Variants in SIPA1L3 observed in about 807,000 individuals in gnomAD.
SIPA1L3 encodes signal induced proliferation associated 1 like 3.
SIPA1L3 carries 59 observed loss-of-function variants against 150.1 expected under a neutral mutation model. That is an observed-to-expected ratio of 0.39 (90% CI 0.32 to 0.49). The LOEUF (loss-of-function observed/expected upper bound fraction) is 0.49, where lower values mean the gene tolerates loss of function less well. Ranked by LOEUF, SIPA1L3 falls within the 20% of genes least tolerant of loss-of-function variation. The pLI is 0.86. For synonymous variants in SIPA1L3, 1,070 were observed against 1,077.6 expected, an observed-to-expected ratio of 0.99 and a Z score of 0.14; for missense variants, 2,211 against 2,489.5, an observed-to-expected ratio of 0.89 and a Z score of 2.38.
intron 1 of SIPA1L3, among the ~76,000 whole-genome samples, chr19:38,009,771 G>A (rs2145677907): frequency 6.6e-6 from 1 of 152,126 alleles, no homozygotes; most frequent in South Asian, 2.1e-4. Context: ...TGGCCTCGTT[G>A]CCACACTGCT....
chr19:38,138,560 T>G (rs1178502392), intron 10 of SIPA1L3, among the ~76,000 whole-genome samples: 2 of 26,188 alleles, frequency 7.6e-5, no homozygotes, highest in Non-Finnish European at 1.3e-4. Context: ...TTTGCTGTCA[T>G]TCTCAGTCAG....
At chr19:38,149,346 C>T (rs1399530494) in intron 12 of SIPA1L3, among the ~76,000 whole-genome samples, 1 of 152,090 alleles carries the variant, frequency 6.6e-6, no homozygotes, top group East Asian at 1.9e-4. Context: ...CGCGTCACTG[C>T]TGCACTCCAG....
intron 13 of SIPA1L3, among the ~76,000 whole-genome samples, chr19:38,160,685 A>C (rs1013329106): frequency 1.3e-5 from 2 of 152,146 alleles, no homozygotes; most frequent in Non-Finnish European, 2.9e-5. Context: ...TACAGGCGTG[A>C]GCCACCGCAC....
chr19:37,919,071 C>T (rs1165275204), intron 1 of SIPA1L3, among the ~76,000 whole-genome samples: 1 of 152,018 alleles, frequency 6.6e-6, no homozygotes, highest in East Asian at 1.9e-4. Flanking sequence ...AAGACATTGC[C>T]AGTGGATGGG....
chr19:37,928,407 C>T (rs1263290987), intron 1 of SIPA1L3, among the ~76,000 whole-genome samples: 2 of 152,154 alleles, frequency 1.3e-5, no homozygotes, highest in East Asian at 3.9e-4. Context: ...CCCATCTCTA[C>T]TAAAAATGCA....
chr19:38,012,310 T>A (rs1968122250), intron 1 of SIPA1L3, among the ~76,000 whole-genome samples: 1 of 152,012 alleles, frequency 6.6e-6, no homozygotes, highest in African/African-American at 2.4e-5. Context: ...GATTTCGAAC[T>A]CCTGACCTCA....
At chr19:37,995,498 G>A (rs934518323) in intron 1 of SIPA1L3, among the ~76,000 whole-genome samples, 11 of 152,256 alleles carry the variant, frequency 7.2e-5, no homozygotes, top group East Asian at 1.9e-4. Context: ...ATAATGCAGC[G>A]TGGTGAGTAG....
chr19:38,049,879 G>A (rs1969150884), intron 2 of SIPA1L3, among the ~76,000 whole-genome samples: 1 of 151,946 alleles, frequency 6.6e-6, no homozygotes, highest in South Asian at 2.1e-4. Context: ...GGGGTCTCCG[G>A]GGTTTTAATG....
At chr19:37,967,476 ACTC>A (rs1007154455) in intron 1 of SIPA1L3, among the ~76,000 whole-genome samples, 1 of 149,450 alleles carries the variant, frequency 6.7e-6, no homozygotes, top group Non-Finnish European at 1.5e-5. Context: ...CTGATCTTGA[ACTC>A]CTGACCTCAT....
At chr19:38,077,623 G>A (rs1024721832) in intron 2 of SIPA1L3, among the ~76,000 whole-genome samples, 1 of 119,656 alleles carries the variant, frequency 8.4e-6, no homozygotes, top group African/African-American at 3.1e-5. Context: ...ATAGTTTGTT[G>A]TTGTTTCTGT....
In SIPA1L3 at chr19:38,164,871, G is replaced by A. The variant is rs753894717; in HGVS notation, c.4173G>A (p.Leu1391=). ...YSSGSSTPTG[L]AGGSRDPPRQ... ...CCGGCTCCAGCACCCCCACGGGACT[G>A]GCGGGGGGCAGCCGAGACCCACCGA... is the stretch of plus-strand genomic sequence containing the variant. Residue 1391 remains leucine (L), a synonymous_variant, in exon 15 of 22, where the codon CTG becomes CTA. Coordinates refer to ENST00000222345, the MANE Select transcript of SIPA1L3 (RefSeq NM_015073.3). The surrounding 1 kb of genome is among the most constrained non-coding windows in gnomAD (Gnocchi z 4.1). The A allele has an allele frequency of 1.2e-5, 19 of 1,568,494 alleles. No homozygotes were observed. The highest frequency in any genetic ancestry group is 7.8e-6 in the Non-Finnish European group (9 of 1,154,726).
chr19:38,192,353 A>C (rs761588574), intron 17 of SIPA1L3, 43 bp downstream of exon 17: 3 of 1,528,526 alleles, frequency 2.0e-6, no homozygotes, highest in Non-Finnish European at 2.6e-6. Flanking sequence ...CCAGCTCCCA[A>C]GGGGATCCCA....
chr19:38,011,183 G>A (rs1289461420), intron 1 of SIPA1L3, among the ~76,000 whole-genome samples: 1 of 152,076 alleles, frequency 6.6e-6, no homozygotes, highest in African/African-American at 2.4e-5. Flanking sequence ...ACATAATAAA[G>A]CAATCAGTGG....
chr19:37,925,774 AG>A (rs1163559207), intron 1 of SIPA1L3, among the ~76,000 whole-genome samples: 1 of 151,748 alleles, frequency 6.6e-6, no homozygotes, highest in Non-Finnish European at 1.5e-5. Context: ...TTGTATTTTT[AG>A]TAGAGATGGG....
At chr19:38,188,887 C>T (rs911117965) in intron 16 of SIPA1L3, among the ~76,000 whole-genome samples, 2 of 151,098 alleles carry the variant, frequency 1.3e-5, no homozygotes, top group Non-Finnish European at 2.9e-5. Context: ...TGCGCCACTG[C>T]ACTCCAGCCT....
At chr19:38,060,005 G>T (rs945288428) in intron 2 of SIPA1L3, among the ~76,000 whole-genome samples, 1 of 152,132 alleles carries the variant, frequency 6.6e-6, no homozygotes, top group Non-Finnish European at 1.5e-5. Flanking sequence ...GAACTTCTGA[G>T]CTCAGGTAAC....
At chr19:38,188,822 C>G (rs1972744869) in intron 16 of SIPA1L3, among the ~76,000 whole-genome samples, 1 of 151,594 alleles carries the variant, frequency 6.6e-6, no homozygotes, top group Non-Finnish European at 1.5e-5. Context: ...ACTCTGGAGG[C>G]TGAGGCAGGA....
At chr19:38,129,136 G>A (rs1007096600) in intron 9 of SIPA1L3, among the ~76,000 whole-genome samples, 1 of 152,046 alleles carries the variant, frequency 6.6e-6, no homozygotes, top group African/African-American at 2.4e-5. Flanking sequence ...AGAGGGGATC[G>A]CTTAACAGCA....
Position 38,164,347 on chromosome 19 carries a change from C to A in SIPA1L3, c.3781-132C>A. ...AAATCACTTGCCCAAGGTAACACGG[C>A]CAGTAGATGAGAAGCCAGGATTTGA... On this transcript the variant is annotated intron_variant, in intron 14 of 21. Coordinates refer to ENST00000222345, the MANE Select transcript of SIPA1L3 (RefSeq NM_015073.3). This position sits in a 1 kb window ranked among gnomAD's most constrained non-coding sequence, Gnocchi z 4.1. 1.2e-6 allele frequency: 1 copy of A among 829,690 alleles called. No homozygotes were observed. Among genetic ancestry groups the A allele is most frequent in the Non-Finnish European group, 1.9e-6 (1 of 517,828 alleles). The allele number at this position is 829,690 out of a possible 1,614,324, so 51.4% of individuals were successfully genotyped here.
Sources: gnomAD v4.1 joint callset for allele counts (sites outside exome capture counted in the v4.1 genomes callset) on GRCh38, gnomAD v4.1.1 for gene constraint, Gnocchi (gnomAD v3.1) non-coding constraint, MANE v1.5 for transcripts, NCBI Gene and HGNC (gene_info 2026-07-23, HGNC 2026-07-21) for gene names.